Variants in NAV2 observed in about 807,000 individuals in gnomAD.
NAV2 encodes the protein neuron navigator 2, also known as helicase, APC down-regulated 1.
Under a neutral mutation model 223.2 loss-of-function variants are expected in NAV2, and 54 were observed. The observed-to-expected ratio is 0.24, with a 90% confidence interval of 0.19 to 0.30. The LOEUF (loss-of-function observed/expected upper bound fraction) is 0.30, where lower values mean the gene tolerates loss of function less well. Ranked by LOEUF, NAV2 falls within the 10% of genes least tolerant of loss-of-function variation. The pLI is 1.00. For synonymous variants in NAV2, 1,279 were observed against 1,239.3 expected, an observed-to-expected ratio of 1.03 and a Z score of -0.67; for missense variants, 2,806 against 3,147.5, an observed-to-expected ratio of 0.89 and a Z score of 2.60.
chr11:19,439,629 A>C (rs1851330625), intron 1 of NAV2, among the ~76,000 whole-genome samples: 2 of 152,198 alleles, frequency 1.3e-5, no homozygotes, highest in Non-Finnish European at 1.5e-5. Context: ...ACCTGTGTTT[A>C]TTTTCTATGT....
chr11:19,507,485 T>C (rs996399435), intron 1 of NAV2, among the ~76,000 whole-genome samples: 3 of 152,200 alleles, frequency 2.0e-5, no homozygotes, highest in African/African-American at 7.2e-5. Context: ...GGTATAGAAA[T>C]GTGGAGGGTA....
intron 2 of NAV2, among the ~76,000 whole-genome samples, chr11:19,841,781 C>T (rs766972560): frequency 6.6e-5 from 10 of 152,068 alleles, no homozygotes; most frequent in Admixed American, 2.0e-4. Flanking sequence ...CAAACTGAGA[C>T]GGAGATATCA....
At chr11:20,053,916 G>A (rs949473346) in intron 17 of NAV2, among the ~76,000 whole-genome samples, 164 bp from the exon 18 acceptor site, 2 of 152,126 alleles carry the variant, frequency 1.3e-5, no homozygotes, top group African/African-American at 4.8e-5. Flanking sequence ...TAGAAAAAAG[G>A]TTTTGAGAAA....
chr11:19,818,262 T>C (rs1242626505), intron 1 of NAV2, among the ~76,000 whole-genome samples: 1 of 114,008 alleles, frequency 8.8e-6, no homozygotes, highest in Non-Finnish European at 1.9e-5. Flanking sequence ...TTTTTTTTTT[T>C]ACTCCATCTC....
chr11:19,888,243 C>T (rs576301464), intron 5 of NAV2, among the ~76,000 whole-genome samples: 1 of 152,258 alleles, frequency 6.6e-6, no homozygotes, highest in South Asian at 2.1e-4. Flanking sequence ...AGGTCAAGTT[C>T]CTCTTGGGAA....
chr11:19,387,286 C>A (rs543191457), intron 1 of NAV2, among the ~76,000 whole-genome samples: 1 of 152,260 alleles, frequency 6.6e-6, no homozygotes, highest in Non-Finnish European at 1.5e-5. Flanking sequence ...AGTGGAAGGA[C>A]ATCCCAGAGC....
chr11:19,929,292 C>T (rs967657489), intron 6 of NAV2, among the ~76,000 whole-genome samples: 1 of 152,032 alleles, frequency 6.6e-6, no homozygotes, highest in Non-Finnish European at 1.5e-5. Flanking sequence ...GAGGAACAGG[C>T]CCCAAACAGC....
intron 1 of NAV2, among the ~76,000 whole-genome samples, chr11:19,815,033 C>T (rs1243518660): frequency 1.3e-5 from 2 of 152,096 alleles, no homozygotes; most frequent in Admixed American, 6.6e-5. Flanking sequence ...ATTATAAAAA[C>T]GTTTAAACCC....
intron 17 of NAV2, among the ~76,000 whole-genome samples, 171 bp from the exon 18 acceptor site, chr11:20,053,909 A>G (rs918078385): frequency 1.3e-5 from 2 of 151,790 alleles, no homozygotes; most frequent in Non-Finnish European, 2.9e-5. Context: ...AGCCAAATAG[A>G]AAAAAGGTTT....
In NAV2 at chr11:19,846,371, A is replaced by G. The variant is rs138892895; in HGVS notation, c.438+3448A>G. Among the ~76,000 whole-genome samples, 12 of 152,334 alleles carry G rather than the reference A, an allele frequency of 7.9e-5. No individual in the cohort carries two copies. In the East Asian group the frequency reaches 2.3e-3, roughly 29 times the overall value. On this transcript the variant is annotated intron_variant, in intron 3 of 37. Transcript: ENST00000349880. ...AAAGGAGGGGCATGGAAGAGCCCAC[A>G]GTACAACAGACTCATAGGCACAGAG...
intron 1 of NAV2, among the ~76,000 whole-genome samples, chr11:19,605,080 C>T (rs2046442645): frequency 6.6e-6 from 1 of 152,190 alleles, no homozygotes; most frequent in Non-Finnish European, 1.5e-5. Flanking sequence ...TACCCAAGGC[C>T]TCCAGTTGGT....
At chr11:19,619,019 T>G (rs2046901898) in intron 1 of NAV2, among the ~76,000 whole-genome samples, 2 of 148,182 alleles carry the variant, frequency 1.3e-5, no homozygotes, top group South Asian at 4.4e-4. Context: ...TTTGGTTTTC[T>G]GTCCTTGTGA....
chr11:19,555,455 C>T (rs1475891183), intron 1 of NAV2, among the ~76,000 whole-genome samples: 1 of 151,712 alleles, frequency 6.6e-6, no homozygotes, highest in African/African-American at 2.4e-5. Context: ...CTGGGGGGGG[C>T]TCTGGGCAGC....
At chr11:19,622,957 C>T (rs1353344197) in intron 1 of NAV2, among the ~76,000 whole-genome samples, 1 of 152,106 alleles carries the variant, frequency 6.6e-6, no homozygotes, top group Non-Finnish European at 1.5e-5. Context: ...TAAGACAGGC[C>T]TGGTGGTGAC....
chr11:19,734,989 T>G (rs1273006164), intron 1 of NAV2, among the ~76,000 whole-genome samples: 1 of 152,208 alleles, frequency 6.6e-6, no homozygotes, highest in East Asian at 1.9e-4. Context: ...AAGCCTCAGA[T>G]TTGTTTGCTG....
At chr11:19,367,957 T>G (rs987514973) in intron 1 of NAV2, among the ~76,000 whole-genome samples, 1 of 152,194 alleles carries the variant, frequency 6.6e-6, no homozygotes, top group Non-Finnish European at 1.5e-5. Context: ...TTAGGACACA[T>G]AATCACAAAC....
At chr11:19,968,668 T>C (rs2048972362) in intron 10 of NAV2, among the ~76,000 whole-genome samples, 1 of 152,216 alleles carries the variant, frequency 6.6e-6, no homozygotes, top group African/African-American at 2.4e-5. Context: ...AGTGGAAGCG[T>C]TTGAACAAGT....
chr11:19,502,377 A>T (rs1254993296), intron 1 of NAV2, among the ~76,000 whole-genome samples: 1 of 152,236 alleles, frequency 6.6e-6, no homozygotes, highest in African/African-American at 2.4e-5. Flanking sequence ...CTTAGAATAG[A>T]GCCAAAGAAC....
At chr11:20,068,470 C>T in intron 22 of NAV2, 72 bp downstream of exon 22, 1 of 1,116,002 alleles carries the variant, frequency 9.0e-7, no homozygotes, top group Non-Finnish European at 1.4e-6. Context: ...GCCTCAAGTC[C>T]TCCTGTGCTG....
Sources: gnomAD v4.1 joint callset for allele counts (sites outside exome capture counted in the v4.1 genomes callset) on GRCh38, gnomAD v4.1.1 for gene constraint, MANE v1.5 for transcripts, NCBI Gene and HGNC (gene_info 2026-07-23, HGNC 2026-07-21) for gene names.